TBCK: variants seen among roughly 807,000 people sequenced by gnomAD.
The protein encoded by TBCK is TBC1 domain containing kinase.
In TBCK, 99 loss-of-function variants were observed where a neutral mutation model predicts 113.4. That is an observed-to-expected ratio of 0.87 (90% CI 0.74 to 1.03). The LOEUF (loss-of-function observed/expected upper bound fraction) is 1.03. TBCK is among the 50% of genes least tolerant of loss of function. The pLI is 0.00. For missense variants in TBCK, 1,045 were observed against 1,061.3 expected (o/e 0.98, Z 0.21); for synonymous variants, 369 against 370.8 (o/e 1.00, Z 0.05).
intron 23 of TBCK, among the ~76,000 whole-genome samples, chr4:106,118,293 C>T (rs1343102027): frequency 6.6e-6 from 1 of 152,164 alleles, no homozygotes; most frequent in Non-Finnish European, 1.5e-5. Flanking sequence ...TGTCAGCTCT[C>T]ACCCCTTGGG....
chr4:106,062,183 T>C (rs1736130557), intron 25 of TBCK, among the ~76,000 whole-genome samples: 1 of 151,892 alleles, frequency 6.6e-6, no homozygotes, highest in Non-Finnish European at 1.5e-5. Flanking sequence ...TAATAATAGT[T>C]TCTACTTTTA....
intron 3 of TBCK, among the ~76,000 whole-genome samples, chr4:106,268,639 A>G (rs1763203082): frequency 6.6e-6 from 1 of 152,082 alleles, no homozygotes; most frequent in African/African-American, 2.4e-5. Flanking sequence ...CAACTCTTCT[A>G]GTCTTTTATT....
chr4:106,211,776 A>C (rs184794227), intron 20 of TBCK, among the ~76,000 whole-genome samples: 132 of 152,206 alleles, frequency 8.7e-4, no homozygotes, highest in African/African-American at 2.7e-3. Flanking sequence ...CATAATCATA[A>C]TTAATATTCT....
chr4:106,170,269 A>C (rs1449278301), intron 23 of TBCK, among the ~76,000 whole-genome samples: 1 of 152,096 alleles, frequency 6.6e-6, no homozygotes, highest in Non-Finnish European at 1.5e-5. Context: ...TTTATTTATA[A>C]GTGTGGGTTC....
At chr4:106,306,152 C>T (rs987317082) in intron 2 of TBCK, among the ~76,000 whole-genome samples, 1 of 152,014 alleles carries the variant, frequency 6.6e-6, no homozygotes, top group African/African-American at 2.4e-5. Context: ...TCACTGCAGC[C>T]CCAAACTCCT....
chr4:106,191,978 TGTAC>T (rs1003423007), intron 22 of TBCK, among the ~76,000 whole-genome samples: 2 of 152,300 alleles, frequency 1.3e-5, no homozygotes, highest in African/African-American at 4.8e-5. Flanking sequence ...GTAAGAATAC[TGTAC>T]AATTCCTTTC....
At chr4:106,313,368 G>A (rs1227515525) in intron 1 of TBCK, among the ~76,000 whole-genome samples, 1 of 150,346 alleles carries the variant, frequency 6.7e-6, no homozygotes, top group Non-Finnish European at 1.5e-5. Flanking sequence ...TGAGACTCCA[G>A]CTCAAAAAAA....
intron 19 of TBCK, among the ~76,000 whole-genome samples, chr4:106,223,424 TGAGA>T (rs1235033232): frequency 2.0e-5 from 3 of 152,146 alleles, no homozygotes; most frequent in Non-Finnish European, 4.4e-5. Context: ...CTAGTTTGCC[TGAGA>T]GAGTCCCAGT....
At chr4:106,316,390 A>G, upstream of TBCK, 2 of 682,312 alleles carry the variant, frequency 2.9e-6, no homozygotes, top group South Asian at 1.7e-5. Flanking sequence ...GGGTGAGGGA[A>G]TGGAAGACGA....
intron 25 of TBCK, among the ~76,000 whole-genome samples, chr4:106,052,524 A>G (rs1018405626): frequency 6.6e-6 from 1 of 151,790 alleles, no homozygotes; most frequent in Non-Finnish European, 1.5e-5. Flanking sequence ...TAAACTTTTA[A>G]CCAAGTTGTT....
chr4:106,233,519 A>G, intron 16 of TBCK, 69 bp downstream of exon 16: 1 of 1,261,580 alleles, frequency 7.9e-7, no homozygotes, highest in Non-Finnish European at 1.1e-6. Context: ...GGCTTTCTTC[A>G]TGCTCCTTCC....
At chr4:106,259,620 C>T (rs1762312315) in intron 5 of TBCK, among the ~76,000 whole-genome samples, 2 of 151,826 alleles carry the variant, frequency 1.3e-5, no homozygotes, top group South Asian at 4.1e-4. Context: ...AATCATTATA[C>T]ACATACACAC....
chr4:106,241,218 CA>C (rs1473589493), intron 12 of TBCK, among the ~76,000 whole-genome samples: 2 of 151,562 alleles, frequency 1.3e-5, no homozygotes, highest in African/African-American at 4.8e-5. Context: ...AACTGATATA[CA>C]GACATTAAAA....
At chr4:106,111,155 A>G (rs2149554600) in intron 24 of TBCK, among the ~76,000 whole-genome samples, 1 of 152,268 alleles carries the variant, frequency 6.6e-6, no homozygotes, top group East Asian at 1.9e-4. Context: ...AGTAGCCTTT[A>G]AAGGGAGAGA....
intron 6 of TBCK, chr4:106,250,953 A>C (rs1037613404): frequency 6.2e-6 from 1 of 161,974 alleles, no homozygotes; most frequent in African/African-American, 2.4e-5. Context: ...AACTTCAGAC[A>C]GCCATCCTTC....
intron 24 of TBCK, among the ~76,000 whole-genome samples, chr4:106,114,042 A>G (rs1438184144): frequency 6.6e-6 from 1 of 152,070 alleles, no homozygotes; most frequent in Non-Finnish European, 1.5e-5. Context: ...GGCTAATTAT[A>G]CTCATATTTG....
At chr4:106,124,916 G>T (rs1339888414) in intron 23 of TBCK, among the ~76,000 whole-genome samples, 1 of 151,698 alleles carries the variant, frequency 6.6e-6, no homozygotes, top group Non-Finnish European at 1.5e-5. Context: ...ACGAGTTAGT[G>T]GGTGCAGCGC....
At chr4:106,159,035 A>G (rs74774924) in intron 23 of TBCK, among the ~76,000 whole-genome samples, 2 of 146,010 alleles carry the variant, frequency 1.4e-5, no homozygotes, top group Non-Finnish European at 3.0e-5. Flanking sequence ...GAATGGAGAG[A>G]AAAAAAAAAA....
chr4:106,190,569 C>A (rs1753545532), intron 22 of TBCK, among the ~76,000 whole-genome samples: 1 of 152,156 alleles, frequency 6.6e-6, no homozygotes, highest in African/African-American at 2.4e-5. Flanking sequence ...AGTTTTACTT[C>A]AAGTAAACTC....
Sources: allele counts gnomAD v4.1 joint callset (sites outside exome capture counted in the v4.1 genomes callset), GRCh38; gene constraint gnomAD v4.1.1; transcripts MANE v1.5; gene names NCBI Gene and HGNC (gene_info 2026-07-23, HGNC 2026-07-21).